ADAMTSL1: variants seen among roughly 807,000 people sequenced by gnomAD.
The protein encoded by ADAMTSL1 is ADAMTS like 1, also known as ADAMTS-like protein 1.
Under a neutral mutation model 201.8 loss-of-function variants are expected in ADAMTSL1, and 126 were observed. That is an observed-to-expected ratio of 0.62 (90% CI 0.54 to 0.72). The LOEUF is 0.72. Ranked by LOEUF, ADAMTSL1 falls within the 30% of genes least tolerant of loss-of-function variation. ADAMTSL1 has a pLI of 0.00. For synonymous variants in ADAMTSL1, 1,121 were observed against 903.4 expected, an observed-to-expected ratio of 1.24 and a Z score of -4.32; for missense variants, 2,679 against 2,277.8, an observed-to-expected ratio of 1.18 and a Z score of -3.59.
chr9:17,960,643 C>G (rs543596642), intron 1 of ADAMTSL1, among the ~76,000 whole-genome samples: 1 of 152,204 alleles, frequency 6.6e-6, no homozygotes, highest in African/African-American at 2.4e-5. Flanking sequence ...GCAACATTGT[C>G]TTTTTCCTTA....
At chr9:18,476,336 C>G (rs1019188810) in intron 1 of ADAMTSL1, among the ~76,000 whole-genome samples, 1 of 151,974 alleles carries the variant, frequency 6.6e-6, no homozygotes, top group Admixed American at 6.6e-5. Context: ...ACCCAAAGGT[C>G]AAATAATGGA....
chr9:18,388,545 A>AT (rs1837901718), intron 2 of ADAMTSL1, among the ~76,000 whole-genome samples: 1 of 151,264 alleles, frequency 6.6e-6, no homozygotes, highest in Admixed American at 6.6e-5. Flanking sequence ...AAGTGCTGGG[A>AT]TTACAGGCCT....
chr9:18,799,597 G>A (rs1221869001), intron 20 of ADAMTSL1, among the ~76,000 whole-genome samples: 1 of 152,170 alleles, frequency 6.6e-6, no homozygotes, highest in Non-Finnish European at 1.5e-5. Flanking sequence ...ATACTGTAAG[G>A]CCTGCCTGAC....
chr9:18,512,382 A>G (rs1818088260), intron 2 of ADAMTSL1, among the ~76,000 whole-genome samples: 1 of 152,164 alleles, frequency 6.6e-6, no homozygotes, highest in Non-Finnish European at 1.5e-5. Context: ...TTTGTTGTCC[A>G]TAACATTTAC....
chr9:18,579,387 C>T (rs1397164650), intron 4 of ADAMTSL1, among the ~76,000 whole-genome samples: 1 of 147,192 alleles, frequency 6.8e-6, no homozygotes, highest in South Asian at 2.2e-4. Context: ...GGAGATATAC[C>T]TAATGCTAGA....
intron 1 of ADAMTSL1, among the ~76,000 whole-genome samples, chr9:18,475,093 GCA>G (rs1221642903): frequency 1.3e-5 from 2 of 152,114 alleles, no homozygotes; most frequent in African/African-American, 2.4e-5. Flanking sequence ...TAATAGCAAT[GCA>G]CATTTTTTAA....
At chr9:18,695,257 G>C (rs947264835) in intron 13 of ADAMTSL1, among the ~76,000 whole-genome samples, 1 of 152,212 alleles carries the variant, frequency 6.6e-6, no homozygotes, top group African/African-American at 2.4e-5. Context: ...GGGAAGGGCT[G>C]CTGTGAAGGT....
intron 2 of ADAMTSL1, among the ~76,000 whole-genome samples, chr9:18,232,171 A>T (rs1479338863): frequency 6.6e-6 from 1 of 151,762 alleles, no homozygotes; most frequent in Admixed American, 6.6e-5. Context: ...TCTTCTCCTC[A>T]CTCACTCTGC....
At chr9:18,024,104 A>T (rs1820592910) in intron 1 of ADAMTSL1, among the ~76,000 whole-genome samples, 1 of 152,056 alleles carries the variant, frequency 6.6e-6, no homozygotes. Flanking sequence ...GATATTTTAA[A>T]ATATAGTCTA....
intron 21 of ADAMTSL1, among the ~76,000 whole-genome samples, chr9:18,819,667 C>A (rs1824089701): frequency 6.6e-6 from 1 of 152,160 alleles, no homozygotes; most frequent in African/African-American, 2.4e-5. Context: ...TAGTGAGAAC[C>A]TGATATACCT....
At chr9:18,425,862 A>AG (rs1273806840) in intron 2 of ADAMTSL1, among the ~76,000 whole-genome samples, 4 of 150,668 alleles carry the variant, frequency 2.7e-5, no homozygotes, top group Admixed American at 6.6e-5. Flanking sequence ...GTCTCAAGAA[A>AG]AAAAAAAAAA....
At chr9:18,320,795 A>C (rs183329793) in intron 2 of ADAMTSL1, among the ~76,000 whole-genome samples, 3 of 152,264 alleles carry the variant, frequency 2.0e-5, no homozygotes, top group African/African-American at 7.2e-5. Flanking sequence ...AAATAAACTG[A>C]CAAGGGTGTG....
intron 1 of ADAMTSL1, among the ~76,000 whole-genome samples, chr9:17,915,144 G>A (rs897281920): frequency 6.6e-6 from 1 of 152,154 alleles, no homozygotes; most frequent in Non-Finnish European, 1.5e-5. Flanking sequence ...CCATCACCCT[G>A]AAGTTTCCTC....
In ADAMTSL1 at chr9:18,910,341, A is replaced by G. The variant is rs192679263; in HGVS notation, c.*1793A>G. The stretch of plus-strand genomic sequence containing the variant: ...ATATTTATTAGGATTTCTTATTAAA[A>G]AAGTGCAATATTAATAATTGTACAT... On this transcript the variant is annotated 3_prime_UTR_variant, in exon 29 of 29. Transcript: ENST00000380548. 32 of 152,360 alleles carry G rather than the reference A, an allele frequency of 2.1e-4. No homozygotes were observed. In the East Asian group the frequency reaches 5.4e-3, roughly 26 times the overall value. 9.4% of individuals were successfully genotyped at this position (152,360 alleles called of 1,614,324 possible).
At position 18,601,479 on chromosome 9, in the gene ADAMTSL1, C is replaced by A. The variant is rs562042324; in HGVS notation, c.475-20764C>A. 3.9e-5 allele frequency among the ~76,000 whole-genome samples: 6 copies of A among 152,236 alleles called. No individual in the cohort carries two copies. The South Asian group carries it at 1.0e-3, about 26-fold the overall frequency. ...TGTCTCCAGCCAATTTTCAAATTCC[C>A]AGGGAAGAGAGTCTGGCCTAGTCTA... On this transcript the variant is annotated intron_variant, in intron 4 of 28. Transcript: ENST00000380548.
At chr9:18,452,480 A>G (rs534167408) in intron 2 of ADAMTSL1, among the ~76,000 whole-genome samples, 1 of 152,278 alleles carries the variant, frequency 6.6e-6, no homozygotes, top group Non-Finnish European at 1.5e-5. Context: ...AAAAGTCTTA[A>G]CTTACTCCAG....
chr9:18,832,023 A>T (rs1000543171), intron 23 of ADAMTSL1, among the ~76,000 whole-genome samples: 1 of 152,200 alleles, frequency 6.6e-6, no homozygotes, highest in Admixed American at 6.5e-5. Flanking sequence ...AAAAATGTGC[A>T]AGATATGTAT....
intron 7 of ADAMTSL1, 42 bp downstream of exon 7, chr9:18,639,453 A>T: frequency 6.3e-7 from 1 of 1,590,220 alleles, no homozygotes; most frequent in Non-Finnish European, 8.6e-7. Context: ...CCACATCCCA[A>T]ATGATGTTAC....
Position 18,622,305 on chromosome 9 carries a change from C to A in ADAMTSL1, c.537C>A (p.Asn179Lys), listed in dbSNP as rs149092118. 2.5e-6 allele frequency: 4 copies of A among 1,613,932 alleles called. No individual in the cohort carries two copies. The East Asian group carries it at 6.7e-5, about 27-fold the overall frequency. ...AGGAAGATAACTGTGGGGTCTGCAA[C>A]GGAGATGGGTCCACCTGCCGGCTGG... ...TVKEDNCGVC[N>K]GDGSTCRLVR... Residue 179 changes from asparagine to lysine, a missense_variant, in exon 5 of 29, where the codon AAC becomes AAA. Transcript: ENST00000380548.
Sources: gnomAD v4.1 joint callset for allele counts (sites outside exome capture counted in the v4.1 genomes callset) on GRCh38, gnomAD v4.1.1 for gene constraint, MANE v1.5 for transcripts, NCBI Gene and HGNC (gene_info 2026-07-23, HGNC 2026-07-21) for gene names.